TLR2: variants seen among roughly 807,000 people sequenced by gnomAD.
TLR2 encodes toll like receptor 2.
TLR2 carries 7 observed loss-of-function variants against 9.1 expected under a neutral mutation model. The ratio of observed to expected loss-of-function variants is 0.77; its 90% CI spans 0.44 to 1.44. The LOEUF (loss-of-function observed/expected upper bound fraction) is 1.44, where lower values mean the gene tolerates loss of function less well. Among genes scored for constraint, TLR2 ranks in the 40% most tolerant of loss-of-function variants. The probability of loss-of-function intolerance (pLI) is 0.01; values close to 1 mark genes in which losing one functional copy is unlikely to be tolerated. For synonymous variants in TLR2, 317 were observed against 344.6 expected (o/e 0.92, Z 0.89); for missense variants, 812 against 904.6 (o/e 0.90, Z 1.31).
At chr4:153,706,868 G>A (rs557644224), downstream of TLR2, among the ~76,000 whole-genome samples, 1 of 152,276 alleles carries the variant, frequency 6.6e-6, no homozygotes, top group African/African-American at 2.4e-5. Context: ...CTAAGATACT[G>A]AGAGTATGAA....
chr4:153,703,772 C>T lies in TLR2; in HGVS notation c.865C>T (p.Leu289Phe). The change falls in exon 3 of 3, where the codon CTT (leucine) becomes TTT (phenylalanine). Residue 289 changes from leucine to phenylalanine, a missense_variant. Transcript: ENST00000642700. ...AGAATTAGAGTTTGATGACTGTACC[C>T]TTAATGGAGTTGGTAATTTTAGAGC... ...LLELEFDDCTLNGVGNFRASD... is the reference protein window; with the variant it reads ...LLELEFDDCTFNGVGNFRASD... 1 of 1,613,890 alleles carries T rather than the reference C, an allele frequency of 6.2e-7. No individual in the cohort carries two copies. Among genetic ancestry groups the T allele is most frequent in the Non-Finnish European group, 8.5e-7 (1 of 1,179,990 alleles).
rs137978607 is a variant in TLR2, at chr4:153,689,489, C to T, written c.-17+1442C>T. ...AATAATGATTCCATAGGAATCACTG[C>T]GCAGCACCTCTGCCTATTCTGCAAT... On this transcript the variant is annotated intron_variant, in intron 2 of 2. Coordinates refer to ENST00000642700, the MANE Select transcript of TLR2 (RefSeq NM_001318789.2). Among the ~76,000 whole-genome samples the T allele has an allele frequency of 9.3e-3, 1,418 of 152,018 alleles. 27 individuals are homozygous for T. The highest frequency in any genetic ancestry group is 0.032 in the African/African-American group (1,309 of 41,444).
rs116232047 is a variant in TLR2 at position 153,703,178 on chromosome 4, A to G, written c.271A>G (p.Ile91Val). 445 of 1,614,168 alleles carry G rather than the reference A, an allele frequency of 2.8e-4. 2 individuals are homozygous for G. In the African/African-American group the frequency reaches 5.2e-3, roughly 19 times the overall value. Residue 91 changes from isoleucine to valine, a missense_variant, in exon 3 of 3, where the codon ATA becomes GTA. Coordinates refer to ENST00000642700, the MANE Select transcript of TLR2 (RefSeq NM_001318789.2). ...LVLTSNGINTIEEDSFSSLGS... is the reference protein window; with the variant it reads ...LVLTSNGINTVEEDSFSSLGS... ...GCTGACATCCAATGGAATTAACACA[A>G]TAGAGGAAGATTCTTTTTCTTCCCT... is the stretch of plus-strand genomic sequence containing the variant.
intron 2 of TLR2, among the ~76,000 whole-genome samples, chr4:153,692,426 C>T (rs1327391376): frequency 6.6e-6 from 1 of 152,174 alleles, no homozygotes; most frequent in South Asian, 2.1e-4. Flanking sequence ...CTAAAGCCTC[C>T]AGTTTCTCTT....
At chr4:153,693,160 T>G (rs1368288751) in intron 2 of TLR2, among the ~76,000 whole-genome samples, 1 of 152,328 alleles carries the variant, frequency 6.6e-6, no homozygotes, top group Non-Finnish European at 1.5e-5. Flanking sequence ...AATTTCCCCT[T>G]TGTAATCTGA....
chr4:153,689,506 T>G (rs1414214044), intron 2 of TLR2, among the ~76,000 whole-genome samples: 1 of 152,226 alleles, frequency 6.6e-6, no homozygotes, highest in Non-Finnish European at 1.5e-5. Context: ...CCTCTGCCTA[T>G]TCTGCAATGC....
intron 2 of TLR2, among the ~76,000 whole-genome samples, chr4:153,690,360 T>C (rs1009500482): frequency 6.6e-6 from 1 of 152,264 alleles, no homozygotes; most frequent in Non-Finnish European, 1.5e-5. Flanking sequence ...TTGAGAATTA[T>C]ATGGGATGCC....
At chr4:153,707,268 C>T (rs57181722), downstream of TLR2, among the ~76,000 whole-genome samples, 9,989 of 152,014 alleles carry the variant, frequency 0.066, 724 homozygotes, top group East Asian at 0.23. Flanking sequence ...GGTAGCCAGC[C>T]TTAAAAAAAA....
chr4:153,684,573 C>A (rs988595027), intron 1 of TLR2, among the ~76,000 whole-genome samples: 2 of 152,294 alleles, frequency 1.3e-5, no homozygotes, highest in South Asian at 2.1e-4. Flanking sequence ...CACGGCCCAG[C>A]GCGGGAATGT....
chr4:153,696,801 G>A (rs2127041264), intron 2 of TLR2, among the ~76,000 whole-genome samples: 1 of 152,020 alleles, frequency 6.6e-6, no homozygotes, highest in Non-Finnish European at 1.5e-5. Context: ...AGCTGAGGCA[G>A]GATGATTGCT....
chr4:153,688,463 A>G (rs143815282), intron 2 of TLR2: 1,767 of 152,388 alleles, frequency 0.012, 15 homozygotes, highest in Non-Finnish European at 0.016. Flanking sequence ...GTGGGAAATC[A>G]GGGGACTCAC....
chr4:153,697,217 A>G (rs1736568595), intron 2 of TLR2, among the ~76,000 whole-genome samples: 1 of 152,174 alleles, frequency 6.6e-6, no homozygotes, highest in South Asian at 2.1e-4. Flanking sequence ...GAATATCAAA[A>G]ACATACTGAC....
At chr4:153,696,246 A>G (rs959749964) in intron 2 of TLR2, among the ~76,000 whole-genome samples, 8 of 152,314 alleles carry the variant, frequency 5.3e-5, no homozygotes, top group Admixed American at 5.2e-4. Context: ...TAGGAACTGC[A>G]TTAAATCTAT....
At position 153,703,086 on chromosome 4, in the gene TLR2, CCAA is replaced by C. The variant is rs763540765; in HGVS notation, c.185_187del (p.Asn62del). On this transcript the variant is annotated inframe_deletion, in exon 3 of 3. Transcript: ENST00000642700. ...GAAGCTGTAAAAAGCCTTGACCTGT[CCAA>C]CAACAGGATCACCTACATTAGCAAC... is the stretch of plus-strand genomic sequence containing the variant. 35 of 1,614,046 alleles carry C rather than the reference CCAA, an allele frequency of 2.2e-5. No individual in the cohort carries two copies. The East Asian group carries it at 7.6e-4, about 35-fold the overall frequency.
Position 153,687,882 on chromosome 4 carries a change from C to T in TLR2, c.-162-20C>T, listed in dbSNP as rs889927321. ...CATTCTTTGCTAAAATAAACTCTGT[C>T]AAATTTAATTTGTCTGAAGTTTCTC... is the stretch of plus-strand genomic sequence containing the variant. On this transcript the variant is annotated intron_variant, in intron 1 of 2. Coordinates refer to ENST00000642700, the MANE Select transcript of TLR2 (RefSeq NM_001318789.2). 7 of 152,210 alleles carry T rather than the reference C, an allele frequency of 4.6e-5. No homozygotes were observed. Among genetic ancestry groups the T allele is most frequent in the African/African-American group, 1.4e-4 (6 of 41,522 alleles). The allele number at this position is 152,210 out of a possible 1,614,324, so 9.4% of individuals were successfully genotyped here.
chr4:153,702,772 G>A, intron 2 of TLR2, 120 bp from the exon 3 acceptor site: 1 of 410,706 alleles, frequency 2.4e-6, no homozygotes, highest in Non-Finnish European at 4.2e-6. Context: ...TTGTGTGTGT[G>A]TGTGTGTGTG....
Position 153,705,598 on chromosome 4 carries a change from A to G in TLR2, c.*336A>G, listed in dbSNP as rs1413528675. The stretch of plus-strand genomic sequence containing the variant: ...ATTCATAGATGATCAAGTCCCTTAT[A>G]AGAGTGGCATAGTATTTGCATATAA... On this transcript the variant is annotated 3_prime_UTR_variant, in exon 3 of 3. Transcript: ENST00000642700. The G allele has an allele frequency of 1.9e-5, 4 of 205,996 alleles. No individual in the cohort carries two copies. The highest frequency in any genetic ancestry group is 4.3e-5 in the Non-Finnish European group (4 of 93,226). The allele number at this position is 205,996 out of a possible 1,614,324, so 12.8% of individuals were successfully genotyped here. A position where few individuals can be genotyped will look rare whatever the true frequency, so the allele number is the denominator to read the frequency against.
At chr4:153,694,979 T>C (rs1158549790) in intron 2 of TLR2, among the ~76,000 whole-genome samples, 1 of 152,220 alleles carries the variant, frequency 6.6e-6, no homozygotes, top group Non-Finnish European at 1.5e-5. Flanking sequence ...TCCAGTTCCA[T>C]CCATGTTGTT....
At chr4:153,697,263 CA>C (rs973862833) in intron 2 of TLR2, among the ~76,000 whole-genome samples, 14 of 152,004 alleles carry the variant, frequency 9.2e-5, no homozygotes, top group Admixed American at 5.2e-4. Flanking sequence ...GTTAAAACAA[CA>C]AGGTTTTCTT....
Sources: gnomAD v4.1 joint callset for allele counts (sites outside exome capture counted in the v4.1 genomes callset) on GRCh38, gnomAD v4.1.1 for gene constraint, MANE v1.5 for transcripts, NCBI Gene and HGNC (gene_info 2026-07-23, HGNC 2026-07-21) for gene names.